The following PTER variants were observed in gnomAD, a reference collection of about 807,000 sequenced individuals.
PTER encodes N-acetyltaurine hydrolase.
PTER carries 38 observed loss-of-function variants against 29.6 expected under a neutral mutation model. The observed-to-expected ratio is 1.28, with a 90% CI of 0.99 to 1.68. The LOEUF is 1.68. Among genes scored for constraint, PTER ranks in the 40% most tolerant of loss-of-function variants. PTER has a pLI of 0.00. For synonymous variants in PTER, 172 were observed against 154.5 expected, an observed-to-expected ratio of 1.11 and a Z score of -0.84; for missense variants, 482 against 427.8, an observed-to-expected ratio of 1.13 and a Z score of -1.12.
intron 1 of PTER, among the ~76,000 whole-genome samples, chr10:16,465,751 T>C (rs566456787): frequency 6.6e-6 from 1 of 152,260 alleles, no homozygotes; most frequent in African/African-American, 2.4e-5. Flanking sequence ...CTGGGTAATT[T>C]ATAATGGAAA....
In PTER at chr10:16,484,329, G is replaced by GTTTA; in HGVS notation, c.-48-5_-48-4insATTT. 6.9e-7 allele frequency: 1 copy of GTTTA among 1,450,234 alleles called. No individual in the cohort carries two copies. The highest frequency in any genetic ancestry group is 9.3e-7 in the Non-Finnish European group (1 of 1,072,538). The allele number at this position is 1,450,234 out of a possible 1,614,324, so 89.8% of individuals were successfully genotyped here. ...ATTGTAGTTGTTTGTTTGTTTGTTT[G>GTTTA]TTTTTAGAAAAAAGAAATCCTCTTT... On this transcript the variant is annotated splice_polypyrimidine_tract_variant and splice_region_variant and intron_variant, in intron 1 of 4. Transcript: ENST00000535784.
chr10:16,458,749 C>T (rs1834500867), intron 1 of PTER, among the ~76,000 whole-genome samples: 2 of 152,168 alleles, frequency 1.3e-5, no homozygotes, highest in African/African-American at 4.8e-5. Context: ...GAAGCTGCTT[C>T]TCCAGATTTG....
Position 16,511,782 on chromosome 10 carries a change from C to T in PTER, c.*526C>T, listed in dbSNP as rs1342293494. ...AAGGATACTGACTGTAATACAATTA[C>T]CAATTCACAATGATAAAAATATTTT... is the stretch of plus-strand genomic sequence containing the variant. On this transcript the variant is annotated 3_prime_UTR_variant, in exon 5 of 5. Coordinates refer to ENST00000535784, the MANE Select transcript of PTER (RefSeq NM_001261836.2). 6.4e-6 allele frequency: 1 copy of T among 155,552 alleles called. No individual in the cohort carries two copies. Among genetic ancestry groups the T allele is most frequent in the African/African-American group, 2.4e-5 (1 of 41,444 alleles). The allele number at this position is 155,552 out of a possible 1,614,324, so 9.6% of individuals were successfully genotyped here.
chr10:16,499,464 G>T (rs1228918728), intron 3 of PTER, among the ~76,000 whole-genome samples: 2 of 151,368 alleles, frequency 1.3e-5, no homozygotes, highest in Non-Finnish European at 2.9e-5. Flanking sequence ...TGGAGACAGG[G>T]TCTCGCTTGC....
At chr10:16,488,713 C>G (rs1410646714) in intron 3 of PTER, among the ~76,000 whole-genome samples, 1 of 152,072 alleles carries the variant, frequency 6.6e-6, no homozygotes, top group Non-Finnish European at 1.5e-5. Flanking sequence ...AAGTGATCCT[C>G]CAACCTCAGC....
At chr10:16,465,052 A>G (rs1198474893) in intron 1 of PTER, among the ~76,000 whole-genome samples, 2 of 152,144 alleles carry the variant, frequency 1.3e-5, no homozygotes, top group Admixed American at 6.5e-5. Context: ...ACCCACCCCC[A>G]TGATTCAAAT....
At chr10:16,507,633 C>A (rs76813167) in intron 4 of PTER, among the ~76,000 whole-genome samples, 187 of 152,308 alleles carry the variant, frequency 1.2e-3, no homozygotes, top group African/African-American at 4.3e-3. Flanking sequence ...CTGCCTTGAT[C>A]ACCTCATTAA....
intron 4 of PTER, among the ~76,000 whole-genome samples, chr10:16,506,719 C>A (rs1836582713): frequency 6.6e-6 from 1 of 151,920 alleles, no homozygotes; most frequent in Admixed American, 6.6e-5. Context: ...GGACACATGG[C>A]CACATGTCCT....
At chr10:16,458,034 T>G (rs1489327268) in intron 1 of PTER, among the ~76,000 whole-genome samples, 1 of 152,232 alleles carries the variant, frequency 6.6e-6, no homozygotes, top group Non-Finnish European at 1.5e-5. Flanking sequence ...TTTTTCTGTC[T>G]CTAAGGTAGA....
chr10:16,508,230 G>C (rs1411884257), intron 4 of PTER, among the ~76,000 whole-genome samples: 1 of 151,598 alleles, frequency 6.6e-6, no homozygotes, highest in Non-Finnish European at 1.5e-5. Flanking sequence ...CACCACGCCC[G>C]GCTAATTTTT....
At chr10:16,459,841 G>A (rs7914418) in intron 1 of PTER, among the ~76,000 whole-genome samples, 3,787 of 152,114 alleles carry the variant, frequency 0.025, 145 homozygotes, top group African/African-American at 0.087. Context: ...TCCGCCTCCC[G>A]GGTTCAACCG....
chr10:16,517,796 A>C (rs1340289051), downstream of PTER, among the ~76,000 whole-genome samples: 2 of 152,184 alleles, frequency 1.3e-5, no homozygotes, highest in East Asian at 3.8e-4. Context: ...TTGTAATTTA[A>C]TTAATTGCTA....
chr10:16,475,300 A>G (rs1835219059), intron 1 of PTER, among the ~76,000 whole-genome samples: 1 of 152,094 alleles, frequency 6.6e-6, no homozygotes, highest in African/African-American at 2.4e-5. Context: ...GCCTGACATC[A>G]TTTGGGATCT....
chr10:16,449,045 A>C (rs906496196), intron 1 of PTER, among the ~76,000 whole-genome samples: 1 of 152,198 alleles, frequency 6.6e-6, no homozygotes, highest in Non-Finnish European at 1.5e-5. Flanking sequence ...GCACAGGCCA[A>C]ATAGGAGAGT....
At chr10:16,487,930 A>G (rs1459044725) in intron 3 of PTER, among the ~76,000 whole-genome samples, 2 of 152,214 alleles carry the variant, frequency 1.3e-5, no homozygotes, top group African/African-American at 4.8e-5. Flanking sequence ...GGCTGCAGTG[A>G]ACCATGACCA....
chr10:16,470,085 G>A (rs1299059516), intron 1 of PTER, among the ~76,000 whole-genome samples: 1 of 152,126 alleles, frequency 6.6e-6, no homozygotes, highest in Non-Finnish European at 1.5e-5. Context: ...AACTGTGTAT[G>A]AAGTGCTGTT....
At chr10:16,455,152 C>T (rs969340843) in intron 1 of PTER, among the ~76,000 whole-genome samples, 1 of 152,034 alleles carries the variant, frequency 6.6e-6, no homozygotes, top group Non-Finnish European at 1.5e-5. Context: ...TCACTTGAGC[C>T]TGGGAGTCAG....
chr10:16,465,800 G>T (rs1834788826), intron 1 of PTER, among the ~76,000 whole-genome samples: 1 of 152,136 alleles, frequency 6.6e-6, no homozygotes, highest in South Asian at 2.1e-4. Context: ...GGCTGGGGAG[G>T]CCTCAGGAAA....
At chr10:16,451,754 C>A (rs1338348845) in intron 1 of PTER, among the ~76,000 whole-genome samples, 1 of 152,090 alleles carries the variant, frequency 6.6e-6, no homozygotes, top group African/African-American at 2.4e-5. Flanking sequence ...CAGTAGTTTT[C>A]TCTGCCTAAT....
Sources: gnomAD v4.1 joint callset for allele counts (sites outside exome capture counted in the v4.1 genomes callset) on GRCh38, gnomAD v4.1.1 for gene constraint, MANE v1.5 for transcripts, NCBI Gene and HGNC (gene_info 2026-07-23, HGNC 2026-07-21) for gene names.